SESN3: variants seen among roughly 807,000 people sequenced by gnomAD.
SESN3 encodes sestrin-3.
Under a neutral mutation model 55.3 loss-of-function variants are expected in SESN3, and 21 were observed. The observed-to-expected ratio is 0.38, with a 90% confidence interval of 0.27 to 0.55. The LOEUF is 0.55. Among genes scored for constraint, SESN3 ranks in the 20% least tolerant of loss-of-function variants. The pLI is 0.76. For missense variants in SESN3, 408 were observed against 604.3 expected, an observed-to-expected ratio of 0.68 and a Z score of 3.41; for synonymous variants, 181 against 203.1, an observed-to-expected ratio of 0.89 and a Z score of 0.93.
chr11:95,221,050 C>T (rs1176097708), intron 1 of SESN3, among the ~76,000 whole-genome samples: 1 of 152,064 alleles, frequency 6.6e-6, no homozygotes, highest in Non-Finnish European at 1.5e-5. Context: ...TGCCTTTAAT[C>T]CTAGCACTTT....
chr11:95,220,578 G>A (rs1365088055), intron 1 of SESN3, among the ~76,000 whole-genome samples: 1 of 152,126 alleles, frequency 6.6e-6, no homozygotes, highest in South Asian at 2.1e-4. Context: ...CTTATAAAAT[G>A]ATTTTTTGCA....
intron 1 of SESN3, among the ~76,000 whole-genome samples, chr11:95,201,553 T>C (rs1214195329): frequency 1.3e-5 from 2 of 152,032 alleles, no homozygotes; most frequent in Non-Finnish European, 2.9e-5. Flanking sequence ...TTGTTATATT[T>C]ATACATTGAC....
chr11:95,222,392 A>C (rs1860874091), intron 1 of SESN3, among the ~76,000 whole-genome samples: 1 of 152,346 alleles, frequency 6.6e-6, no homozygotes, highest in South Asian at 2.1e-4. Flanking sequence ...TATTTTCTCA[A>C]ATAATCTTTG....
At position 95,207,014 on chromosome 11, in the gene SESN3, C is replaced by A. The variant is rs556356657; in HGVS notation, c.79-13492G>T. Among the ~76,000 whole-genome samples, 439 of 152,072 alleles carry A rather than the reference C, an allele frequency of 2.9e-3. 4 individuals carry two copies. Among genetic ancestry groups the A allele is most frequent in the African/African-American group, 9.8e-3 (406 of 41,476 alleles). ...CAGGCTAGTCTTGAACTCCTGACCT[C>A]GTGATCCACCCGCCTCAGCCTCCCA... On this transcript the variant is annotated intron_variant, in intron 1 of 9. Transcript: ENST00000536441.
chr11:95,195,951 A>G (rs1183961024), intron 1 of SESN3, among the ~76,000 whole-genome samples: 2 of 152,174 alleles, frequency 1.3e-5, no homozygotes, highest in East Asian at 3.8e-4. Flanking sequence ...TGTAGTAAAA[A>G]GTTCTTAAGC....
chr11:95,204,436 A>G (rs1860511252), intron 1 of SESN3, among the ~76,000 whole-genome samples: 1 of 152,146 alleles, frequency 6.6e-6, no homozygotes, highest in Non-Finnish European at 1.5e-5. Flanking sequence ...TTATTAATTC[A>G]TTTGATTATT....
Position 95,170,264 on chromosome 11 carries a change from A to G in SESN3, c.*2991T>C, listed in dbSNP as rs1859825201. ...TATTTTCAGGTGGGAGAGTATCTCAATATTTCTTAAGGTGATCTGAGAAAT... is the reference window on the plus strand; with the variant it reads ...TATTTTCAGGTGGGAGAGTATCTCAGTATTTCTTAAGGTGATCTGAGAAAT... On this transcript the variant is annotated 3_prime_UTR_variant, in exon 10 of 10. Coordinates refer to ENST00000536441, the MANE Select transcript of SESN3 (RefSeq NM_144665.4). The G allele has an allele frequency of 6.6e-6, 1 of 152,236 alleles. No individual in the cohort carries two copies. The highest frequency in any genetic ancestry group is 2.1e-4 in the South Asian group (1 of 4,836). 9.4% of individuals were successfully genotyped at this position (152,236 alleles called of 1,614,324 possible).
In SESN3 at chr11:95,222,983, C is replaced by T. The variant is rs1860885235; in HGVS notation, c.78+7800G>A. On this transcript the variant is annotated intron_variant, in intron 1 of 9. Transcript: ENST00000536441. ...TTCCACTTCCTCCCCGCCATCTGTACTCCTACCACAGTGATGTCTAAGGGA... is the reference window on the plus strand; with the variant it reads ...TTCCACTTCCTCCCCGCCATCTGTATTCCTACCACAGTGATGTCTAAGGGA... Among the ~76,000 whole-genome samples the T allele has an allele frequency of 2.0e-5, 3 of 152,254 alleles. No homozygotes were observed. The South Asian group carries it at 6.2e-4, about 32-fold the overall frequency.
rs530658882 is a variant in SESN3 at position 95,169,859 on chromosome 11, G to A, written c.*3396C>T. ...TTTTAGAAGCATTTAAGATCTTTAG[G>A]AGACATTATAACAACTAAATAGGAG... On this transcript the variant is annotated 3_prime_UTR_variant, in exon 10 of 10. Transcript: ENST00000536441. 6.6e-6 allele frequency: 1 copy of A among 152,208 alleles called. No individual in the cohort carries two copies. The highest frequency in any genetic ancestry group is 6.5e-5 in the Admixed American group (1 of 15,270). The allele number at this position is 152,208 out of a possible 1,614,324, so 9.4% of individuals were successfully genotyped here. A position where few individuals can be genotyped will look rare whatever the true frequency, so the allele number is the denominator to read the frequency against.
At chr11:95,216,805 A>C (rs996636904) in intron 1 of SESN3, among the ~76,000 whole-genome samples, 3 of 152,042 alleles carry the variant, frequency 2.0e-5, no homozygotes, top group African/African-American at 7.2e-5. Context: ...AAAGTTTAAC[A>C]TCAATTAAGA....
In SESN3 at chr11:95,189,931, TTAAG is replaced by T. The variant is rs1860234825; in HGVS notation, c.369_372del (p.Tyr123Ter). The T allele has an allele frequency of 1.2e-6, 2 of 1,610,314 alleles. No individual in the cohort carries two copies. The highest frequency in any genetic ancestry group is 1.7e-6 in the Non-Finnish European group (2 of 1,178,086). The stretch of plus-strand genomic sequence containing the variant: ...AAAAATTCATCCACATGCATGTTTA[TTAAG>T]TAAGAACACTGATGTCTAGCTGCAG... On this transcript the variant is annotated frameshift_variant, in exon 4 of 10. Coordinates refer to ENST00000536441, the MANE Select transcript of SESN3 (RefSeq NM_144665.4). LOFTEE classifies it high-confidence loss of function.
chr11:95,222,349 CAAA>C (rs1282164418), intron 1 of SESN3, among the ~76,000 whole-genome samples: 2 of 152,054 alleles, frequency 1.3e-5, no homozygotes, highest in African/African-American at 4.8e-5. Flanking sequence ...AACAAAGAAA[CAAA>C]GAAGTCCAGG....
rs984367964 is a variant in SESN3 at position 95,221,049 on chromosome 11, T to C, written c.78+9734A>G. 3.9e-5 allele frequency among the ~76,000 whole-genome samples: 6 copies of C among 152,302 alleles called. No individual in the cohort carries two copies. In the South Asian group the frequency reaches 8.3e-4, roughly 21 times the overall value. ...CGGGCTGGGTGGCTCGTGCCTTTAA[T>C]CCTAGCACTTTGGGAGGCCAAGGCA... On this transcript the variant is annotated intron_variant, in intron 1 of 9. Transcript: ENST00000536441.
chr11:95,216,904 G>C (rs925328478), intron 1 of SESN3, among the ~76,000 whole-genome samples: 7 of 151,496 alleles, frequency 4.6e-5, no homozygotes, highest in African/African-American at 1.2e-4. Flanking sequence ...TCAGGAGTTC[G>C]AGACCAGCCT....
At chr11:95,178,025 G>C in intron 7 of SESN3, 116 bp from the exon 8 acceptor site, 1 of 704,966 alleles carries the variant, frequency 1.4e-6, no homozygotes. Flanking sequence ...TTAGCTCTAG[G>C]TTTTCAGCTT....
chr11:95,204,117 A>C (rs1860505942), intron 1 of SESN3: 1 of 152,170 alleles, frequency 6.6e-6, no homozygotes, highest in Non-Finnish European at 1.5e-5. Flanking sequence ...GAGTTTTGAG[A>C]TTTAATTATT....
chr11:95,222,910 C>A (rs568560064), intron 1 of SESN3, among the ~76,000 whole-genome samples: 1 of 152,168 alleles, frequency 6.6e-6, no homozygotes, highest in Non-Finnish European at 1.5e-5. Flanking sequence ...TATGGGGACA[C>A]ATGACTAAAC....
At chr11:95,223,895 T>C (rs1860903883) in intron 1 of SESN3, among the ~76,000 whole-genome samples, 1 of 152,204 alleles carries the variant, frequency 6.6e-6, no homozygotes, top group South Asian at 2.1e-4. Flanking sequence ...TGCCCATATT[T>C]ACTGTATTAG....
intron 7 of SESN3, 38 bp downstream of exon 7, chr11:95,178,672 G>GT: frequency 1.7e-6 from 2 of 1,198,180 alleles, no homozygotes; most frequent in Non-Finnish European, 2.5e-6. Flanking sequence ...TAAAATGACA[G>GT]TATGTTCTAG....
Sources: gnomAD v4.1 joint callset for allele counts (sites outside exome capture counted in the v4.1 genomes callset) on GRCh38, gnomAD v4.1.1 for gene constraint, MANE v1.5 for transcripts, NCBI Gene and HGNC (gene_info 2026-07-23, HGNC 2026-07-21) for gene names.